Variants in DIAPH2 observed in about 807,000 individuals in gnomAD.
DIAPH2 encodes protein diaphanous homolog 2.
In DIAPH2, 35 loss-of-function variants were observed where a neutral mutation model predicts 92.7. That is an observed-to-expected ratio of 0.38 (90% confidence interval 0.29 to 0.50). The LOEUF (loss-of-function observed/expected upper bound fraction) is 0.50. Among genes scored for constraint, DIAPH2 ranks in the 20% least tolerant of loss-of-function variants. DIAPH2 has a pLI of 0.94. For synonymous variants in DIAPH2, 301 were observed against 280.4 expected (o/e 1.07, Z -0.73); for missense variants, 701 against 819.5 (o/e 0.86, Z 1.77).
At chrX:96,921,020 A>C (rs2147786362) in intron 9 of DIAPH2, among the ~76,000 whole-genome samples, 1 of 112,282 alleles carries the variant, frequency 8.9e-6, no homozygotes, top group South Asian at 3.7e-4. Context: ...CCAAAAGTTT[A>C]AATCTGTTGT....
At chrX:97,475,596 C>A (rs2070597212) in intron 26 of DIAPH2, among the ~76,000 whole-genome samples, 1 of 111,478 alleles carries the variant, frequency 9.0e-6, no homozygotes, top group Admixed American at 9.6e-5. Flanking sequence ...TCGTGTTTAG[C>A]TGCTTAGAGT....
At chrX:97,117,890 A>G (rs2067027373) in intron 21 of DIAPH2, among the ~76,000 whole-genome samples, 1 of 111,828 alleles carries the variant, frequency 8.9e-6, no homozygotes, top group Non-Finnish European at 1.9e-5. Flanking sequence ...TGAGCTCCCA[A>G]TGTTAGCTTA....
chrX:96,762,317 C>T (rs975988661), intron 4 of DIAPH2, among the ~76,000 whole-genome samples: 3 of 111,277 alleles, frequency 2.7e-5, no homozygotes, highest in African/African-American at 9.7e-5. Flanking sequence ...TAGGAAAGCT[C>T]AGTTGGAGCT....
chrX:97,557,865 T>A (rs2071268129), intron 26 of DIAPH2, among the ~76,000 whole-genome samples: 1 of 111,995 alleles, frequency 8.9e-6, no homozygotes, highest in African/African-American at 3.2e-5. Context: ...AATTGGCATA[T>A]CAACTGTATG....
chrX:96,910,492 A>G (rs1208411330), intron 5 of DIAPH2, among the ~76,000 whole-genome samples: 2 of 111,505 alleles, frequency 1.8e-5, no homozygotes, highest in African/African-American at 6.5e-5. Flanking sequence ...CTTTGTTGAT[A>G]AGATTTACCT....
At chrX:97,074,262 C>A (rs1157918735) in intron 18 of DIAPH2, among the ~76,000 whole-genome samples, 1 of 110,835 alleles carries the variant, frequency 9.0e-6, no homozygotes, top group Non-Finnish European at 1.9e-5. Flanking sequence ...CAAAATTAGC[C>A]GGGCGTGATG....
At chrX:97,508,649 G>A (rs1418709080) in intron 26 of DIAPH2, among the ~76,000 whole-genome samples, 2 of 112,140 alleles carry the variant, frequency 1.8e-5, no homozygotes, top group Non-Finnish European at 3.8e-5. Context: ...TACCTATGGA[G>A]TCATTACTTA....
intron 26 of DIAPH2, among the ~76,000 whole-genome samples, chrX:97,507,973 G>A (rs1004566742): frequency 1.8e-5 from 2 of 110,847 alleles, no homozygotes; most frequent in Non-Finnish European, 3.8e-5. Flanking sequence ...AGAAGATTAC[G>A]TGACTCATTT....
chrX:96,841,557 G>A (rs1306835993), intron 4 of DIAPH2, among the ~76,000 whole-genome samples: 3 of 111,538 alleles, frequency 2.7e-5, no homozygotes, highest in Admixed American at 9.6e-5. Context: ...CTAATCATGT[G>A]TTCCTTTTTG....
intron 26 of DIAPH2, among the ~76,000 whole-genome samples, chrX:97,516,778 G>A (rs150502694): frequency 0.082 from 9,174 of 111,813 alleles, 476 homozygotes; most frequent in African/African-American, 0.19. Context: ...CTGGAGGGCA[G>A]TGGTGCAGTC....
chrX:97,185,474 CATATATATATATATATATAT>C (rs1180330581), intron 22 of DIAPH2, among the ~76,000 whole-genome samples: 453 of 10,512 alleles, frequency 0.043, 64 homozygotes, highest in African/African-American at 0.14. Context: ...TATATATACA[CATATATATATATATATATAT>C]ATATATATAT....
chrX:97,253,360 AT>A (rs1217975570), intron 23 of DIAPH2, among the ~76,000 whole-genome samples: 1 of 110,711 alleles, frequency 9.0e-6, no homozygotes, highest in Non-Finnish European at 1.9e-5. Flanking sequence ...GATTCTTAGC[AT>A]TTTTTGAAAT....
chrX:96,763,188 T>A (rs917406802), intron 4 of DIAPH2: 60 of 790,012 alleles, frequency 7.6e-5, no homozygotes, highest in Non-Finnish European at 9.7e-5. Flanking sequence ...GATTTTTGCT[T>A]GTAGTATTTT....
At chrX:97,313,857 A>G (rs2068817828) in intron 23 of DIAPH2, among the ~76,000 whole-genome samples, 2 of 109,917 alleles carry the variant, frequency 1.8e-5, no homozygotes, top group Middle Eastern at 4.7e-3. Context: ...CTAGGCTGGT[A>G]TCGAACTCCT....
intron 4 of DIAPH2, among the ~76,000 whole-genome samples, chrX:96,837,404 C>CCTCTCTCT (rs758318611): frequency 9.5e-4 from 63 of 66,058 alleles, no homozygotes; most frequent in African/African-American, 1.5e-3. Flanking sequence ...TTCCTCCCTC[C>CCTCTCTCT]CTCTCTCTCT....
intron 22 of DIAPH2, among the ~76,000 whole-genome samples, chrX:97,165,659 ATT>A (rs199970468): frequency 9.3e-4 from 91 of 97,386 alleles, no homozygotes; most frequent in East Asian, 3.3e-3. Context: ...ATGCCCAGCA[ATT>A]TTTTTTTTTT....
chrX:97,590,625 A>G (rs1402172128), intron 26 of DIAPH2, among the ~76,000 whole-genome samples: 1 of 112,110 alleles, frequency 8.9e-6, no homozygotes, highest in Non-Finnish European at 1.9e-5. Context: ...TAATGAATTG[A>G]CCTTGTAGCC....
intron 26 of DIAPH2, among the ~76,000 whole-genome samples, chrX:97,507,505 G>A (rs1209987942): frequency 9.0e-6 from 1 of 111,259 alleles, no homozygotes; most frequent in Admixed American, 9.6e-5. Context: ...TATTCATGAT[G>A]AGGTCCTGAT....
At chrX:96,884,689 G>GT (rs754967120) in intron 5 of DIAPH2, 1 of 1,211,199 alleles carries the variant, frequency 8.3e-7, no homozygotes, top group Non-Finnish European at 1.1e-6. Context: ...ATATGTCAAA[G>GT]TGTTTGGTAT....
Sources: allele counts gnomAD v4.1 joint callset (sites outside exome capture counted in the v4.1 genomes callset), GRCh38; gene constraint gnomAD v4.1.1; transcripts MANE v1.5; gene names NCBI Gene and HGNC (gene_info 2026-07-23, HGNC 2026-07-21).